Variants in PAH observed in about 807,000 individuals in gnomAD.
The protein encoded by PAH is phenylalanine hydroxylase, also known as phenylalanine-4-hydroxylase.
In PAH, 64 loss-of-function variants were observed where a neutral mutation model predicts 62.0. That is an observed-to-expected ratio of 1.03 (90% confidence interval 0.84 to 1.27). The LOEUF is 1.27. Among genes scored for constraint, PAH ranks in the 50% most tolerant of loss-of-function variants. PAH has a pLI of 0.00. For synonymous variants in PAH, 195 were observed against 196.2 expected, an observed-to-expected ratio of 0.99 and a Z score of 0.05; for missense variants, 579 against 542.8, an observed-to-expected ratio of 1.07 and a Z score of -0.66.
chr12:102,850,105 T>C (rs182519812), intron 8 of PAH, among the ~76,000 whole-genome samples: 9 of 152,330 alleles, frequency 5.9e-5, no homozygotes, highest in Non-Finnish European at 1.2e-4. Flanking sequence ...AAAAATCTGA[T>C]TGTTTTTTGG....
intron 4 of PAH, among the ~76,000 whole-genome samples, chr12:102,867,835 C>CT: frequency 4.7e-5 from 6 of 126,812 alleles, no homozygotes; most frequent in Non-Finnish European, 9.7e-5. Context: ...CTCTCTCTCT[C>CT]CCCCTCTCTC....
intron 1 of PAH, among the ~76,000 whole-genome samples, chr12:102,943,237 A>G (rs1879357961): frequency 6.6e-6 from 1 of 152,076 alleles, no homozygotes; most frequent in African/African-American, 2.4e-5. Context: ...AACACAAACA[A>G]CCACATTAAA....
chr12:102,840,273 A>G, intron 12 of PAH, 127 bp downstream of exon 12: 1 of 691,630 alleles, frequency 1.4e-6, no homozygotes, highest in Non-Finnish European at 2.6e-6. Flanking sequence ...CATGGCTTAC[A>G]TGGAGGTGCT....
At chr12:102,949,337 T>C (rs1466647136) in intron 1 of PAH, among the ~76,000 whole-genome samples, 2 of 152,204 alleles carry the variant, frequency 1.3e-5, no homozygotes, top group Non-Finnish European at 2.9e-5. Flanking sequence ...AAGGTTCTTA[T>C]GGCAGGAGGG....
upstream of PAH, among the ~76,000 whole-genome samples, chr12:102,952,678 A>G (rs1410824289): frequency 2.0e-5 from 3 of 152,178 alleles, no homozygotes; most frequent in African/African-American, 7.2e-5. Flanking sequence ...GTGGCTGCAA[A>G]TTACCTCCTC....
intron 2 of PAH, among the ~76,000 whole-genome samples, chr12:102,912,426 TCACATGTGA>T (rs1878236119): frequency 6.6e-6 from 1 of 152,134 alleles, no homozygotes; most frequent in Non-Finnish European, 1.5e-5. Context: ...TTAACTGTAA[TCACATGTGA>T]CACATGTGAT....
At chr12:102,905,451 C>T (rs568776002) in intron 2 of PAH, among the ~76,000 whole-genome samples, 10 of 152,230 alleles carry the variant, frequency 6.6e-5, no homozygotes, top group African/African-American at 2.2e-4. Context: ...GTTTAAAGAT[C>T]GTTCTCTTTA....
upstream of PAH, among the ~76,000 whole-genome samples, chr12:102,955,533 C>T (rs535322151): frequency 6.6e-6 from 1 of 152,344 alleles, no homozygotes; most frequent in Admixed American, 6.5e-5. Flanking sequence ...ATTTGCGACA[C>T]TCCCTCCCAC....
At chr12:102,863,876 T>G (rs1875836595) in intron 5 of PAH, among the ~76,000 whole-genome samples, 1 of 152,168 alleles carries the variant, frequency 6.6e-6, no homozygotes, top group Admixed American at 6.5e-5. Flanking sequence ...TAGATAAAAC[T>G]TAAAAGCCCA....
At position 102,840,380 on chromosome 12, in the gene PAH, G is replaced by A. The variant is rs190655222; in HGVS notation, c.1315+20C>T. ...GATTACTGAGAAACCGAGTGGCCTC[G>A]TAAGGTGTAAATTACTTACTGTTAA... On this transcript the variant is annotated intron_variant, in intron 12 of 12. Transcript: ENST00000553106. 655 of 1,449,448 alleles carry A rather than the reference G, an allele frequency of 4.5e-4. 4 individuals carry two copies. In the African/African-American group the frequency reaches 8.0e-3, roughly 18 times the overall value. 89.8% of individuals were successfully genotyped at this position (1,449,448 alleles called of 1,614,324 possible). A position where few individuals can be genotyped will look rare whatever the true frequency, so the allele number is the denominator to read the frequency against.
At chr12:102,874,858 G>A (rs907031430) in intron 4 of PAH, among the ~76,000 whole-genome samples, 1 of 152,210 alleles carries the variant, frequency 6.6e-6, no homozygotes, top group Non-Finnish European at 1.5e-5. Flanking sequence ...CTGCTTTGGA[G>A]GACCTGATGA....
intron 6 of PAH, 37 bp downstream of exon 6, chr12:102,855,099 A>T (rs376057081): frequency 1.9e-6 from 3 of 1,560,908 alleles, no homozygotes; most frequent in Non-Finnish European, 2.7e-6. Context: ...TCCTCCCCCA[A>T]CTTTCTGCAG....
intron 1 of PAH, among the ~76,000 whole-genome samples, chr12:102,924,292 A>G (rs1456585028): frequency 6.6e-6 from 1 of 152,176 alleles, no homozygotes; most frequent in Admixed American, 6.5e-5. Context: ...AGAAAGTCTC[A>G]AACTCCAAAG....
At chr12:102,863,389 A>T (rs1187916046) in intron 5 of PAH, among the ~76,000 whole-genome samples, 1 of 152,140 alleles carries the variant, frequency 6.6e-6, no homozygotes, top group East Asian at 1.9e-4. Context: ...TTCCCCATTC[A>T]TCAGTAAAGC....
chr12:102,908,470 G>A (rs1878068389), intron 2 of PAH, among the ~76,000 whole-genome samples: 2 of 152,194 alleles, frequency 1.3e-5, no homozygotes, highest in Admixed American at 1.3e-4. Flanking sequence ...CTCATGGACA[G>A]TTTGTTGCTC....
intron 2 of PAH, among the ~76,000 whole-genome samples, chr12:102,901,199 C>T (rs1877737467): frequency 2.0e-5 from 3 of 152,130 alleles, no homozygotes; most frequent in South Asian, 4.1e-4. Flanking sequence ...GCATACTGGG[C>T]GCCCCGTCTC....
chr12:102,890,586 A>G (rs1877236371), intron 3 of PAH, among the ~76,000 whole-genome samples: 1 of 152,200 alleles, frequency 6.6e-6, no homozygotes, highest in African/African-American at 2.4e-5. Flanking sequence ...CTGAAGAAAT[A>G]AGGGTCACAA....
chr12:102,922,557 G>A (rs1878582713), intron 1 of PAH, among the ~76,000 whole-genome samples: 1 of 152,142 alleles, frequency 6.6e-6, no homozygotes, highest in Admixed American at 6.5e-5. Context: ...TTTACTACAG[G>A]AAGACCTTAT....
intron 1 of PAH, chr12:102,950,417 G>A (rs974089738): frequency 2.0e-5 from 3 of 152,254 alleles, no homozygotes; most frequent in South Asian, 2.1e-4. Flanking sequence ...CTTTGCCCTC[G>A]GGGCCAGCGT....
Sources: gnomAD v4.1 joint callset for allele counts (sites outside exome capture counted in the v4.1 genomes callset) on GRCh38, gnomAD v4.1.1 for gene constraint, MANE v1.5 for transcripts, NCBI Gene and HGNC (gene_info 2026-07-23, HGNC 2026-07-21) for gene names.